Variants in FILIP1 observed in about 807,000 individuals in gnomAD.
FILIP1 encodes filamin-A-interacting protein 1.
Under a neutral mutation model 102.1 loss-of-function variants are expected in FILIP1, and 61 were observed. The ratio of observed to expected loss-of-function variants is 0.60; its 90% confidence interval spans 0.49 to 0.74. The LOEUF (loss-of-function observed/expected upper bound fraction) is 0.74. Among genes scored for constraint, FILIP1 ranks in the 30% least tolerant of loss-of-function variants. The pLI, the probability that FILIP1 is intolerant of heterozygous loss-of-function variation, is 0.00. For missense variants in FILIP1, 1,314 were observed against 1,441.2 expected (o/e 0.91, Z 1.43); for synonymous variants, 491 against 526.9 (o/e 0.93, Z 0.93).
At chr6:75,461,911 G>A (rs2149751522) in intron 1 of FILIP1, among the ~76,000 whole-genome samples, 1 of 152,210 alleles carries the variant, frequency 6.6e-6, no homozygotes, top group South Asian at 2.1e-4. Flanking sequence ...TCTCAAAGGT[G>A]CCTACACAAC....
intron 1 of FILIP1, among the ~76,000 whole-genome samples, chr6:75,423,056 A>G (rs1777519552): frequency 6.6e-6 from 1 of 152,152 alleles, no homozygotes; most frequent in Non-Finnish European, 1.5e-5. Flanking sequence ...TGCAAAGGAG[A>G]TAAGAGCCTT....
At chr6:75,419,136 G>GA (rs1157217004) in intron 1 of FILIP1, among the ~76,000 whole-genome samples, 6 of 151,600 alleles carry the variant, frequency 4.0e-5, no homozygotes, top group African/African-American at 1.4e-4. Flanking sequence ...AACAAGAAAA[G>GA]AAAAAAAAGG....
rs767480010 is a variant in FILIP1 at position 75,414,922 on chromosome 6, G to C, written c.51C>G (p.Ser17=). ...GGESASDGHI[S]CPKPSIIGNA... is the part of the protein sequence containing the mutation. ...TGCCGATGATGGAGGGCTTGGGACA[G>C]GAGATATGCCCATCAGATGCACTTT... is the stretch of plus-strand genomic sequence containing the variant. Residue 17 remains serine (S), a synonymous_variant, in exon 2 of 6, where the codon TCC becomes TCG. Coordinates refer to ENST00000237172, the MANE Select transcript of FILIP1 (RefSeq NM_015687.5). The C allele has an allele frequency of 6.2e-7, 1 of 1,613,848 alleles. No homozygotes were observed. The highest frequency in any genetic ancestry group is 8.5e-7 in the Non-Finnish European group (1 of 1,179,854).
chr6:75,366,712 T>C (rs532181996), intron 2 of FILIP1, among the ~76,000 whole-genome samples: 60 of 152,322 alleles, frequency 3.9e-4, no homozygotes, highest in African/African-American at 1.4e-3. Context: ...AAATAACTTT[T>C]TGCTGCAGGG....
intron 1 of FILIP1, among the ~76,000 whole-genome samples, chr6:75,436,789 T>G (rs927759421): frequency 6.6e-6 from 1 of 151,990 alleles, no homozygotes; most frequent in Non-Finnish European, 1.5e-5. Flanking sequence ...AGACAAACAA[T>G]GGGAAATGAT....
chr6:75,480,435 T>C (rs78286376), intron 1 of FILIP1, among the ~76,000 whole-genome samples: 8,158 of 152,022 alleles, frequency 0.054, 560 homozygotes, highest in African/African-American at 0.16. Flanking sequence ...GAGACAGAGT[T>C]GCACTCTATT....
chr6:75,338,184 T>C (rs2149586085), intron 4 of FILIP1, among the ~76,000 whole-genome samples: 1 of 152,370 alleles, frequency 6.6e-6, no homozygotes, highest in Admixed American at 6.5e-5. Flanking sequence ...AGTCACAGCA[T>C]TTCTGAACTT....
intron 2 of FILIP1, among the ~76,000 whole-genome samples, chr6:75,381,308 C>A (rs887326708): frequency 6.6e-6 from 1 of 152,080 alleles, no homozygotes. Context: ...CGGCTCACTG[C>A]AATCTCTGCC....
At chr6:75,365,712 T>G (rs1251286086) in intron 2 of FILIP1, among the ~76,000 whole-genome samples, 2 of 152,180 alleles carry the variant, frequency 1.3e-5, no homozygotes, top group African/African-American at 4.8e-5. Context: ...ACCTTTTTTT[T>G]TTTGTTTATA....
intron 1 of FILIP1, among the ~76,000 whole-genome samples, chr6:75,469,172 T>C (rs1779261428): frequency 6.6e-6 from 1 of 152,028 alleles, no homozygotes; most frequent in Non-Finnish European, 1.5e-5. Flanking sequence ...CAATGTAGAA[T>C]AAACTTCCAA....
In FILIP1 at chr6:75,450,085, G is replaced by T. The variant is rs567848936; in HGVS notation, c.-6-35107C>A. Among the ~76,000 whole-genome samples, 39 of 152,166 alleles carry T rather than the reference G, an allele frequency of 2.6e-4. No individual in the cohort carries two copies. In the South Asian group the frequency reaches 7.1e-3, roughly 28 times the overall value. On this transcript the variant is annotated intron_variant, in intron 1 of 5. Coordinates refer to ENST00000237172, the MANE Select transcript of FILIP1 (RefSeq NM_015687.5). ...TTCCTGAGTAGGTGGAACTACAGGCGCACACCACTGTGCCTGATTACTTTT... is the reference window on the plus strand; with the variant it reads ...TTCCTGAGTAGGTGGAACTACAGGCTCACACCACTGTGCCTGATTACTTTT...
intron 3 of FILIP1, among the ~76,000 whole-genome samples, chr6:75,355,338 C>G (rs981326293): frequency 1.3e-5 from 2 of 151,826 alleles, no homozygotes; most frequent in African/African-American, 4.8e-5. Flanking sequence ...AATAAAAAAT[C>G]CGGAAATATT....
chr6:75,488,525 G>T (rs753455920), intron 1 of FILIP1, among the ~76,000 whole-genome samples: 2 of 149,260 alleles, frequency 1.3e-5, no homozygotes, highest in African/African-American at 2.5e-5. Flanking sequence ...TATTCATTCC[G>T]CAAAGCCAGG....
At chr6:75,339,085 G>A (rs867223953) in intron 4 of FILIP1, among the ~76,000 whole-genome samples, 1 of 152,218 alleles carries the variant, frequency 6.6e-6, no homozygotes, top group African/African-American at 2.4e-5. Context: ...TAGTTTCAGT[G>A]TATTGATAGG....
intron 1 of FILIP1, among the ~76,000 whole-genome samples, chr6:75,456,484 A>C (rs1052481301): frequency 6.6e-6 from 1 of 152,138 alleles, no homozygotes; most frequent in Non-Finnish European, 1.5e-5. Context: ...AGAACAAATA[A>C]GTTTTCAATA....
intron 6 of FILIP1, among the ~76,000 whole-genome samples, chr6:75,300,733 C>T (rs1176623363): frequency 6.6e-6 from 1 of 152,154 alleles, no homozygotes; most frequent in African/African-American, 2.4e-5. Flanking sequence ...TAGGTTCTGT[C>T]ATTTGCTCTA....
intron 1 of FILIP1, among the ~76,000 whole-genome samples, chr6:75,436,311 A>G (rs1485938081): frequency 6.6e-6 from 1 of 151,780 alleles, no homozygotes; most frequent in Non-Finnish European, 1.5e-5. Flanking sequence ...CCAAGGTTGC[A>G]GTGAGCCAAG....
intron 2 of FILIP1, 155 bp from the exon 3 acceptor site, chr6:75,363,072 A>G: frequency 1.6e-6 from 1 of 629,704 alleles, no homozygotes; most frequent in Non-Finnish European, 2.6e-6. Flanking sequence ...TTTTTTAACC[A>G]AAAGCAGATT....
intron 2 of FILIP1, among the ~76,000 whole-genome samples, chr6:75,414,259 T>C (rs1306018480): frequency 6.6e-6 from 1 of 151,838 alleles, no homozygotes; most frequent in African/African-American, 2.4e-5. Flanking sequence ...AAAGCCTTAT[T>C]TACCTCTATC....
Sources: gnomAD v4.1 joint callset for allele counts (sites outside exome capture counted in the v4.1 genomes callset) on GRCh38, gnomAD v4.1.1 for gene constraint, MANE v1.5 for transcripts, NCBI Gene and HGNC (gene_info 2026-07-23, HGNC 2026-07-21) for gene names.